AGPS: variants seen among roughly 807,000 people sequenced by gnomAD.
AGPS encodes alkylglycerone phosphate synthase.
AGPS carries 26 observed loss-of-function variants against 90.7 expected under a neutral mutation model. That is an observed-to-expected ratio of 0.29 (90% CI 0.21 to 0.40). The LOEUF is 0.40. AGPS is among the 10% of genes least tolerant of loss of function. The pLI, the probability that AGPS is intolerant of heterozygous loss-of-function variation, is 1.00. For missense variants in AGPS, 540 were observed against 816.1 expected (o/e 0.66, Z 4.12); for synonymous variants, 294 against 285.3 (o/e 1.03, Z -0.31).
At chr2:177,525,027 G>C (rs1413202390) in intron 19 of AGPS, among the ~76,000 whole-genome samples, 3 of 152,148 alleles carry the variant, frequency 2.0e-5, no homozygotes, top group Non-Finnish European at 4.4e-5. Flanking sequence ...CAATAGCATT[G>C]AAGATAATAT....
chr2:177,453,339 T>G (rs1574379653), intron 8 of AGPS, among the ~76,000 whole-genome samples: 2 of 151,114 alleles, frequency 1.3e-5, no homozygotes, highest in Non-Finnish European at 3.0e-5. Context: ...TGGCCTGATA[T>G]CGGCTCACCA....
intron 8 of AGPS, among the ~76,000 whole-genome samples, chr2:177,452,249 C>T (rs777204087): frequency 3.7e-4 from 56 of 152,068 alleles, no homozygotes; most frequent in Non-Finnish European, 5.1e-4. Context: ...TTTCTGTCTA[C>T]TTGTTCTGTC....
At chr2:177,436,581 A>G (rs1409916065) in intron 3 of AGPS, among the ~76,000 whole-genome samples, 183 bp from the exon 4 acceptor site, 1 of 152,150 alleles carries the variant, frequency 6.6e-6, no homozygotes, top group African/African-American at 2.4e-5. Flanking sequence ...CAATCTTTAG[A>G]AATTTGTAAT....
At chr2:177,425,514 A>G (rs4893947) in intron 2 of AGPS, among the ~76,000 whole-genome samples, 132,452 of 151,648 alleles carry the variant, frequency 0.87, 57,970 homozygotes, top group East Asian at 0.98. Context: ...CCAGCTACTC[A>G]TGAGGCTGAG....
At chr2:177,432,732 T>C (rs1194844606) in intron 2 of AGPS, among the ~76,000 whole-genome samples, 1 of 152,318 alleles carries the variant, frequency 6.6e-6, no homozygotes, top group South Asian at 2.1e-4. Context: ...GACTGGGTAA[T>C]TAATAAAGAA....
chr2:177,434,030 A>G (rs1381158484), intron 2 of AGPS, among the ~76,000 whole-genome samples: 1 of 152,168 alleles, frequency 6.6e-6, no homozygotes, highest in African/African-American at 2.4e-5. Context: ...GCCTGCCATA[A>G]GGCTAAAACT....
At position 177,445,597 on chromosome 2, in the gene AGPS, G is replaced by A. The variant is rs1318025276; in HGVS notation, c.841G>A (p.Gly281Ser). The change falls in exon 8 of 20, where the codon GGC becomes AGC. Residue 281 changes from glycine to serine, a missense_variant. By Grantham distance (56) the Gly-to-Ser change is moderately conservative. This residue lies in a region of AGPS where 405 missense variants were observed against 692.1 expected (regional missense o/e 0.59). Transcript: ENST00000264167. ...ENNLTAHVEA[G>S]ITGQELERQL... is the part of the protein sequence containing the mutation. ...CAATTTGACAGCTCATGTAGAGGCT[G>A]GCATAACAGGACAAGAGTTGGAAAG... 1.9e-6 allele frequency: 3 copies of A among 1,612,498 alleles called. No homozygotes were observed. Among genetic ancestry groups the A allele is most frequent in the African/African-American group, 1.3e-5 (1 of 74,878 alleles).
chr2:177,432,648 G>A lies in AGPS; in HGVS notation c.351-1679G>A, dbSNP rs150953616. ...GTAGTTTTAAATTTTATACATGATA[G>A]TAACACTAACTCTGTATCTGTAGTT... On this transcript the variant is annotated intron_variant, in intron 2 of 19. Coordinates refer to ENST00000264167, the MANE Select transcript of AGPS (RefSeq NM_003659.4). 3.6e-3 allele frequency among the ~76,000 whole-genome samples: 546 copies of A among 152,304 alleles called. 2 individuals carry two copies. The highest frequency in any genetic ancestry group is 0.027 in the Middle Eastern group (8 of 294).
chr2:177,447,508 C>T (rs1686813749), intron 8 of AGPS, among the ~76,000 whole-genome samples: 1 of 151,816 alleles, frequency 6.6e-6, no homozygotes, highest in South Asian at 2.1e-4. Flanking sequence ...ATCAGCACAG[C>T]ACTTTTTTTT....
chr2:177,409,487 C>G (rs905979617), intron 1 of AGPS, among the ~76,000 whole-genome samples: 8 of 151,826 alleles, frequency 5.3e-5, no homozygotes, highest in Admixed American at 3.9e-4. Flanking sequence ...TTACAAGCCC[C>G]GTGTTTAAAG....
At chr2:177,498,517 C>A (rs1230814580) in intron 13 of AGPS, among the ~76,000 whole-genome samples, 3 of 149,978 alleles carry the variant, frequency 2.0e-5, no homozygotes, top group Non-Finnish European at 3.0e-5. Flanking sequence ...ATTTTTATAT[C>A]TTTTCCTGTG....
chr2:177,510,264 A>G (rs555232046), intron 16 of AGPS, among the ~76,000 whole-genome samples: 1 of 152,278 alleles, frequency 6.6e-6, no homozygotes, highest in South Asian at 2.1e-4. Context: ...CCATCTTCTT[A>G]GTAATACCTG....
At chr2:177,503,859 G>T (rs1422492760) in intron 14 of AGPS, among the ~76,000 whole-genome samples, 2 of 152,080 alleles carry the variant, frequency 1.3e-5, no homozygotes, top group Non-Finnish European at 2.9e-5. Flanking sequence ...ATTAGAAAAT[G>T]CATGTTTCTC....
At position 177,462,074 on chromosome 2, in the gene AGPS, A is replaced by G. The variant is rs191276996; in HGVS notation, c.996+56A>G. ...TTGATTAGTATATAGATATTATTAT[A>G]AAATGATTAGAAGCCTTTAAAAATT... On this transcript the variant is annotated intron_variant, in intron 9 of 19. Transcript: ENST00000264167. 5.4e-5 allele frequency: 77 copies of G among 1,415,452 alleles called. No individual in the cohort carries two copies. The East Asian group carries it at 1.9e-3, about 36-fold the overall frequency. 87.7% of individuals were successfully genotyped at this position (1,415,452 alleles called of 1,614,324 possible).
At chr2:177,457,947 G>C (rs1451743439) in intron 8 of AGPS, among the ~76,000 whole-genome samples, 1 of 152,126 alleles carries the variant, frequency 6.6e-6, no homozygotes, top group Non-Finnish European at 1.5e-5. Context: ...TAAAATACTG[G>C]CAAACCGAAC....
At chr2:177,453,258 C>T (rs576126229) in intron 8 of AGPS, among the ~76,000 whole-genome samples, 2 of 151,302 alleles carry the variant, frequency 1.3e-5, no homozygotes, top group East Asian at 1.9e-4. Flanking sequence ...TGCTTTTTCC[C>T]CCTCTGGCTA....
At chr2:177,435,787 C>G (rs74378483) in intron 3 of AGPS, among the ~76,000 whole-genome samples, 5,332 of 152,262 alleles carry the variant, frequency 0.035, 205 homozygotes, top group African/African-American at 0.097. Context: ...GCAGATTTTA[C>G]TTGGCCAGCC....
At chr2:177,428,160 T>C (rs1686134565) in intron 2 of AGPS, among the ~76,000 whole-genome samples, 1 of 152,224 alleles carries the variant, frequency 6.6e-6, no homozygotes, top group Admixed American at 6.5e-5. Flanking sequence ...CCTGCTTTTT[T>C]CTGTTTTGCA....
In AGPS at chr2:177,442,494, A is replaced by G. The variant is rs748088717; in HGVS notation, c.789+8A>G. 6.3e-7 allele frequency: 1 copy of G among 1,576,798 alleles called. No individual in the cohort carries two copies. Among genetic ancestry groups the G allele is most frequent in the Non-Finnish European group, 8.7e-7 (1 of 1,146,380 alleles). ...TTGGACACTTCACAAATGGTATTTA[A>G]TAATTTGAGATATATTTAAAACATT... is the stretch of plus-strand genomic sequence containing the variant. On this transcript the variant is annotated splice_region_variant and intron_variant, in intron 7 of 19. Transcript: ENST00000264167.
Sources: gnomAD v4.1 joint callset for allele counts (sites outside exome capture counted in the v4.1 genomes callset) on GRCh38, gnomAD v4.1.1 for gene constraint, gnomAD v4.1.1 regional missense constraint, MANE v1.5 for transcripts, NCBI Gene and HGNC (gene_info 2026-07-23, HGNC 2026-07-21) for gene names.